CACNA2D1: variants seen among roughly 807,000 people sequenced by gnomAD.
CACNA2D1 encodes voltage-dependent calcium channel subunit alpha-2/delta-1.
In CACNA2D1, 53 loss-of-function variants were observed where a neutral mutation model predicts 171.5. The ratio of observed to expected loss-of-function variants is 0.31; its 90% CI spans 0.25 to 0.39. The LOEUF (loss-of-function observed/expected upper bound fraction) is 0.39. Among genes scored for constraint, CACNA2D1 ranks in the 10% least tolerant of loss-of-function variants. The pLI is 1.00. For synonymous variants in CACNA2D1, 442 were observed against 443.1 expected, an observed-to-expected ratio of 1.00 and a Z score of 0.03; for missense variants, 903 against 1,299.8, an observed-to-expected ratio of 0.69 and a Z score of 4.69.
chr7:82,121,387 G>T (rs1789715750), intron 5 of CACNA2D1, among the ~76,000 whole-genome samples: 1 of 152,088 alleles, frequency 6.6e-6, no homozygotes, highest in Non-Finnish European at 1.5e-5. Context: ...AAATCTCTTG[G>T]ATCAATGAGA....
intron 1 of CACNA2D1, among the ~76,000 whole-genome samples, chr7:82,398,772 T>C (rs1482898397): frequency 6.6e-6 from 1 of 151,728 alleles, no homozygotes; most frequent in Non-Finnish European, 1.5e-5. Flanking sequence ...GAGATGGTGG[T>C]CTCAACATGT....
chr7:82,054,422 TC>T (rs1365731246), intron 10 of CACNA2D1, among the ~76,000 whole-genome samples: 2 of 152,184 alleles, frequency 1.3e-5, no homozygotes, highest in African/African-American at 2.4e-5. Context: ...AGCATATTTT[TC>T]CCCTTGGAAG....
At chr7:82,386,735 AAAATAAATAAAT>A (rs200338716) in intron 1 of CACNA2D1, among the ~76,000 whole-genome samples, 3,757 of 146,238 alleles carry the variant, frequency 0.026, 162 homozygotes, top group African/African-American at 0.089. Context: ...CTCTGTCTCA[AAAATAAATAAAT>A]AAATAAATAA....
At chr7:82,154,368 G>T (rs10954665) in intron 4 of CACNA2D1, among the ~76,000 whole-genome samples, 145,206 of 152,160 alleles carry the variant, frequency 0.95, 69,328 homozygotes, top group East Asian at 0.97. Context: ...TGGCACTCAA[G>T]TTTCCTTCCA....
At chr7:82,298,939 T>C (rs1812635790) in intron 3 of CACNA2D1, among the ~76,000 whole-genome samples, 1 of 151,586 alleles carries the variant, frequency 6.6e-6, no homozygotes, top group Non-Finnish European at 1.5e-5. Context: ...GGCGGGTGCA[T>C]GTAATCCCAG....
intron 16 of CACNA2D1, 74 bp from the exon 17 acceptor site, chr7:82,005,913 T>C (rs572194905): frequency 1.0e-4 from 90 of 886,752 alleles, no homozygotes; most frequent in Non-Finnish European, 1.6e-4. Context: ...CATATGATCA[T>C]CTTTTGCTTG....
At chr7:82,267,097 T>C (rs999733620) in intron 3 of CACNA2D1, among the ~76,000 whole-genome samples, 7 of 152,166 alleles carry the variant, frequency 4.6e-5, no homozygotes, top group Non-Finnish European at 1.0e-4. Flanking sequence ...AATATAGCCT[T>C]CTTAAAACTG....
intron 36 of CACNA2D1, among the ~76,000 whole-genome samples, chr7:81,961,360 T>G (rs989879575): frequency 6.6e-6 from 1 of 151,926 alleles, no homozygotes; most frequent in Non-Finnish European, 1.5e-5. Context: ...AAAACTGTAT[T>G]TTTCCCAGTT....
intron 19 of CACNA2D1, 134 bp from the exon 20 acceptor site, chr7:81,995,073 A>G: frequency 1.7e-6 from 1 of 582,648 alleles, no homozygotes; most frequent in South Asian, 2.5e-5. Context: ...GGTTAGTTTT[A>G]CCAGTATCTG....
chr7:82,212,290 A>C (rs1485981133), intron 3 of CACNA2D1, among the ~76,000 whole-genome samples: 2 of 152,220 alleles, frequency 1.3e-5, no homozygotes, highest in Admixed American at 1.3e-4. Context: ...CAGACATAAA[A>C]TGAATCATTT....
chr7:82,323,380 T>G (rs1030788989), intron 3 of CACNA2D1, among the ~76,000 whole-genome samples: 12 of 152,130 alleles, frequency 7.9e-5, no homozygotes, highest in African/African-American at 2.9e-4. Flanking sequence ...CCAAGTAAAG[T>G]TTGATGACTA....
intron 6 of CACNA2D1, among the ~76,000 whole-genome samples, chr7:82,113,749 G>A (rs1788710163): frequency 1.3e-5 from 2 of 152,066 alleles, no homozygotes; most frequent in Admixed American, 6.6e-5. Flanking sequence ...CACACCACAT[G>A]AAGAATACTG....
intron 2 of CACNA2D1, among the ~76,000 whole-genome samples, chr7:82,337,093 C>G (rs1818089748): frequency 6.6e-6 from 1 of 152,052 alleles, no homozygotes; most frequent in South Asian, 2.1e-4. Context: ...AGTATCTTCT[C>G]AAATATATAA....
intron 7 of CACNA2D1, among the ~76,000 whole-genome samples, chr7:82,073,537 G>C (rs937560571): frequency 6.6e-6 from 1 of 152,136 alleles, no homozygotes; most frequent in Non-Finnish European, 1.5e-5. Flanking sequence ...AAAATTATCT[G>C]TGAGAACAAA....
chr7:82,003,317 T>C (rs1248306749), intron 18 of CACNA2D1, among the ~76,000 whole-genome samples: 5 of 152,020 alleles, frequency 3.3e-5, no homozygotes, highest in Non-Finnish European at 1.5e-5. Context: ...AATCCAAATA[T>C]AAAGATATGC....
intron 3 of CACNA2D1, among the ~76,000 whole-genome samples, chr7:82,179,611 CT>C (rs1300188624): frequency 1.3e-5 from 2 of 152,100 alleles, no homozygotes; most frequent in African/African-American, 4.8e-5. Context: ...CATGTGACCG[CT>C]CCTTTACATA....
At chr7:82,016,465 TAAAC>T (rs1800463797) in intron 12 of CACNA2D1, among the ~76,000 whole-genome samples, 1 of 150,710 alleles carries the variant, frequency 6.6e-6, no homozygotes, top group Admixed American at 6.6e-5. Flanking sequence ...AGTAAAAAAA[TAAAC>T]AAGTAAGACT....
chr7:82,227,955 T>C (rs1802531270), intron 3 of CACNA2D1, among the ~76,000 whole-genome samples: 1 of 152,110 alleles, frequency 6.6e-6, no homozygotes, highest in Non-Finnish European at 1.5e-5. Flanking sequence ...ACCCCAAGTG[T>C]ACATGTACCC....
chr7:82,175,508 A>G (rs1314714271), intron 3 of CACNA2D1, among the ~76,000 whole-genome samples: 1 of 152,064 alleles, frequency 6.6e-6, no homozygotes. Flanking sequence ...TATCTTCATC[A>G]AACGGTTCTT....
Sources: allele counts gnomAD v4.1 joint callset (sites outside exome capture counted in the v4.1 genomes callset), GRCh38; gene constraint gnomAD v4.1.1; transcripts MANE v1.5; gene names NCBI Gene and HGNC (gene_info 2026-07-23, HGNC 2026-07-21).